Variants in CRPPA observed in about 807,000 individuals in gnomAD.
The protein encoded by CRPPA is D-ribitol-5-phosphate cytidylyltransferase.
CRPPA carries 43 observed loss-of-function variants against 52.0 expected under a neutral mutation model. The ratio of observed to expected loss-of-function variants is 0.83; its 90% CI spans 0.65 to 1.07. The LOEUF (loss-of-function observed/expected upper bound fraction) is 1.07. Among genes scored for constraint, CRPPA ranks in the 50% least tolerant of loss-of-function variants. The probability of loss-of-function intolerance (pLI) is 0.00; values close to 1 mark genes in which losing one functional copy is unlikely to be tolerated. For synonymous variants in CRPPA, 250 were observed against 203.5 expected (o/e 1.23, Z -1.94); for missense variants, 629 against 551.7 (o/e 1.14, Z -1.40).
At chr7:16,232,841 A>ATATGGCC (rs1183489829) in intron 8 of CRPPA, among the ~76,000 whole-genome samples, 1 of 152,158 alleles carries the variant, frequency 6.6e-6, no homozygotes, top group African/African-American at 2.4e-5. Context: ...ACCTTTTAAA[A>ATATGGCC]AGCAGAAAAT....
chr7:16,368,059 G>C (rs932231375), intron 3 of CRPPA, among the ~76,000 whole-genome samples: 5 of 152,066 alleles, frequency 3.3e-5, no homozygotes, highest in Non-Finnish European at 7.4e-5. Flanking sequence ...TCAAGGCCAG[G>C]TCTCTGAACA....
rs370915503 is a variant in CRPPA at position 16,284,452 on chromosome 7, T to C, written c.836-6226A>G. On this transcript the variant is annotated intron_variant, in intron 5 of 9. Transcript: ENST00000407010. Reference sequence around the variant, plus strand: ...CAGAATTATTGCTGTTATGGACACATACATTCAATAAGAACATAAATTGAA... The same window carrying C: ...CAGAATTATTGCTGTTATGGACACACACATTCAATAAGAACATAAATTGAA... Among the ~76,000 whole-genome samples, 12 of 152,214 alleles carry C rather than the reference T, an allele frequency of 7.9e-5. No homozygotes were observed. The East Asian group carries it at 1.5e-3, about 20-fold the overall frequency.
chr7:16,177,677 G>A (rs1781330375), intron 9 of CRPPA, among the ~76,000 whole-genome samples: 1 of 152,000 alleles, frequency 6.6e-6, no homozygotes, highest in Non-Finnish European at 1.5e-5. Flanking sequence ...AGTACTAAGA[G>A]CAATTAATTG....
chr7:16,169,906 A>G (rs1781143304), intron 9 of CRPPA, among the ~76,000 whole-genome samples: 1 of 152,208 alleles, frequency 6.6e-6, no homozygotes, highest in African/African-American at 2.4e-5. Flanking sequence ...ACAAATGATA[A>G]TATTAAACTA....
At chr7:16,412,698 T>C (rs897027234) in intron 1 of CRPPA, among the ~76,000 whole-genome samples, 3 of 152,212 alleles carry the variant, frequency 2.0e-5, no homozygotes, top group Non-Finnish European at 4.4e-5. Flanking sequence ...GATCAAATAT[T>C]TGCTGAATAA....
At chr7:16,173,613 A>G (rs1183318098) in intron 9 of CRPPA, among the ~76,000 whole-genome samples, 1 of 152,208 alleles carries the variant, frequency 6.6e-6, no homozygotes, top group Non-Finnish European at 1.5e-5. Flanking sequence ...ATTTATAAGA[A>G]TCAATGGTAC....
At chr7:16,163,307 T>A (rs181756907) in intron 9 of CRPPA, among the ~76,000 whole-genome samples, 1 of 152,072 alleles carries the variant, frequency 6.6e-6, no homozygotes, top group African/African-American at 2.4e-5. Flanking sequence ...TGGTTTAAAG[T>A]CTGTTTTATC....
rs114213943 is a variant in CRPPA at position 16,178,473 on chromosome 7, A to G, written c.1251+37593T>C. On this transcript the variant is annotated intron_variant, in intron 9 of 9. Coordinates refer to ENST00000407010, the MANE Select transcript of CRPPA (RefSeq NM_001101426.4). The stretch of plus-strand genomic sequence containing the variant: ...TATGCCTGCACAAATTCTTACATGA[A>G]TTACTGAGAAATGGTGGGATAAACC... 5.4e-3 allele frequency among the ~76,000 whole-genome samples: 826 copies of G among 152,276 alleles called. 5 individuals carry two copies. Among genetic ancestry groups the G allele is most frequent in the African/African-American group, 0.019 (773 of 41,562 alleles).
intron 3 of CRPPA, among the ~76,000 whole-genome samples, chr7:16,316,346 T>C (rs939202650): frequency 6.6e-6 from 1 of 152,140 alleles, no homozygotes; most frequent in Non-Finnish European, 1.5e-5. Flanking sequence ...CCCTTTGCCA[T>C]GTACACACTA....
chr7:16,378,352 C>A (rs1015187051), intron 2 of CRPPA, among the ~76,000 whole-genome samples: 2 of 145,940 alleles, frequency 1.4e-5, no homozygotes, highest in Non-Finnish European at 3.0e-5. Flanking sequence ...TGAGTGAGAA[C>A]ATGCGGTGTT....
intron 9 of CRPPA, among the ~76,000 whole-genome samples, chr7:16,145,017 C>T (rs547300496): frequency 1.3e-5 from 2 of 152,228 alleles, no homozygotes; most frequent in South Asian, 4.1e-4. Context: ...CTTATCTTGG[C>T]CAGGAGGCTG....
intron 3 of CRPPA, among the ~76,000 whole-genome samples, chr7:16,373,766 G>A (rs909806021): frequency 6.6e-6 from 1 of 152,164 alleles, no homozygotes; most frequent in Non-Finnish European, 1.5e-5. Context: ...CATGGCTAGA[G>A]CATATATAAG....
intron 9 of CRPPA, among the ~76,000 whole-genome samples, chr7:16,196,406 T>C (rs1365319055): frequency 1.3e-5 from 2 of 152,206 alleles, no homozygotes; most frequent in Non-Finnish European, 2.9e-5. Flanking sequence ...CCATACTCTA[T>C]GAATGGCTGA....
chr7:16,371,704 C>T (rs906810509), intron 3 of CRPPA, among the ~76,000 whole-genome samples: 2 of 151,122 alleles, frequency 1.3e-5, no homozygotes, highest in Admixed American at 1.3e-4. Context: ...TGGATACAAA[C>T]CAAGATGAAA....
intron 8 of CRPPA, among the ~76,000 whole-genome samples, chr7:16,255,523 G>A (rs565577146): frequency 1.2e-4 from 18 of 152,168 alleles, no homozygotes; most frequent in Non-Finnish European, 1.9e-4. Flanking sequence ...GAGGCATCAC[G>A]CTACCTGACT....
At chr7:16,279,924 T>C (rs1784286445) in intron 5 of CRPPA, among the ~76,000 whole-genome samples, 1 of 152,242 alleles carries the variant, frequency 6.6e-6, no homozygotes, top group Non-Finnish European at 1.5e-5. Flanking sequence ...TCCATGTGGC[T>C]GGGGAGGCCT....
chr7:16,227,905 G>C (rs1410218181), intron 8 of CRPPA, among the ~76,000 whole-genome samples: 2 of 151,750 alleles, frequency 1.3e-5, no homozygotes, highest in African/African-American at 4.8e-5. Flanking sequence ...AATCCATTTG[G>C]AGTGGTTTTT....
intron 1 of CRPPA, among the ~76,000 whole-genome samples, chr7:16,407,945 A>G (rs1787992666): frequency 6.6e-6 from 1 of 151,942 alleles, no homozygotes; most frequent in African/African-American, 2.4e-5. Flanking sequence ...CGTCTCTACC[A>G]AAAATATAAA....
chr7:16,318,510 A>G (rs1422699970), intron 3 of CRPPA, among the ~76,000 whole-genome samples: 1 of 152,122 alleles, frequency 6.6e-6, no homozygotes, highest in Admixed American at 6.5e-5. Context: ...TGAGTAACAA[A>G]TATGTACAAA....
Sources: gnomAD v4.1 joint callset for allele counts (sites outside exome capture counted in the v4.1 genomes callset) on GRCh38, gnomAD v4.1.1 for gene constraint, MANE v1.5 for transcripts, NCBI Gene and HGNC (gene_info 2026-07-23, HGNC 2026-07-21) for gene names.